Variants in LRRTM4 observed in about 807,000 individuals in gnomAD.
The protein encoded by LRRTM4 is leucine rich repeat transmembrane neuronal 4, also known as leucine-rich repeat transmembrane neuronal protein 4.
In LRRTM4, 25 loss-of-function variants were observed where a neutral mutation model predicts 47.6. That is an observed-to-expected ratio of 0.53 (90% CI 0.38 to 0.73). LRRTM4 has a LOEUF of 0.73. LRRTM4 is among the 30% of genes least tolerant of loss of function. The pLI is 0.00. For missense variants in LRRTM4, 638 were observed against 713.4 expected, an observed-to-expected ratio of 0.89 and a Z score of 1.20; for synonymous variants, 311 against 269.5, an observed-to-expected ratio of 1.15 and a Z score of -1.51.
At chr2:77,250,131 T>C (rs993351846) in intron 3 of LRRTM4, among the ~76,000 whole-genome samples, 6 of 151,980 alleles carry the variant, frequency 3.9e-5, no homozygotes, top group Non-Finnish European at 7.4e-5. Flanking sequence ...ATTATGGAGA[T>C]AGTGAAAAAA....
intron 3 of LRRTM4, among the ~76,000 whole-genome samples, chr2:77,081,137 T>C (rs1371617720): frequency 6.6e-6 from 1 of 152,112 alleles, no homozygotes; most frequent in African/African-American, 2.4e-5. Context: ...AATTTGCTTT[T>C]TGATCATGTA....
intron 3 of LRRTM4, among the ~76,000 whole-genome samples, chr2:77,148,686 T>C (rs953055729): frequency 6.6e-6 from 1 of 152,150 alleles, no homozygotes; most frequent in Non-Finnish European, 1.5e-5. Flanking sequence ...GCCCTTACAA[T>C]TGATTGTAGA....
At chr2:76,773,578 T>A (rs1256187688) in intron 3 of LRRTM4, among the ~76,000 whole-genome samples, 2 of 151,930 alleles carry the variant, frequency 1.3e-5, no homozygotes, top group Non-Finnish European at 2.9e-5. Context: ...AAAATGTTAA[T>A]TTTAGATAAA....
intron 3 of LRRTM4, among the ~76,000 whole-genome samples, chr2:76,884,385 C>T (rs1673012931): frequency 6.6e-6 from 1 of 152,122 alleles, no homozygotes; most frequent in South Asian, 2.1e-4. Context: ...TCTGTTTTCA[C>T]ACACAAAAAT....
chr2:76,857,166 C>A (rs1236463634), intron 3 of LRRTM4, among the ~76,000 whole-genome samples: 1 of 151,406 alleles, frequency 6.6e-6, no homozygotes, highest in Non-Finnish European at 1.5e-5. Flanking sequence ...TTGGCCAACT[C>A]AACATGAAGA....
intron 3 of LRRTM4, among the ~76,000 whole-genome samples, chr2:77,137,519 C>A (rs1671981685): frequency 6.6e-6 from 1 of 151,984 alleles, no homozygotes; most frequent in African/African-American, 2.4e-5. Flanking sequence ...ACTGCAAAAA[C>A]ATGCCAAATT....
chr2:77,145,724 A>G (rs980878434), intron 3 of LRRTM4, among the ~76,000 whole-genome samples: 1 of 151,978 alleles, frequency 6.6e-6, no homozygotes, highest in Non-Finnish European at 1.5e-5. Context: ...CAGTGAGCAG[A>G]GATCATGCCA....
intron 3 of LRRTM4, among the ~76,000 whole-genome samples, chr2:77,145,612 CAA>C (rs1181876984): frequency 7.2e-6 from 1 of 139,208 alleles, no homozygotes. Context: ...ACTAAAAATA[CAA>C]AAAAAAAAAA....
chr2:77,086,044 C>A (rs759165168), intron 3 of LRRTM4, among the ~76,000 whole-genome samples: 124 of 152,042 alleles, frequency 8.2e-4, no homozygotes, highest in Non-Finnish European at 2.2e-4. Context: ...TTAAAAATAT[C>A]CTATGAAAGA....
At chr2:77,437,714 T>C (rs1285181059) in intron 3 of LRRTM4, among the ~76,000 whole-genome samples, 1 of 152,144 alleles carries the variant, frequency 6.6e-6, no homozygotes, top group East Asian at 1.9e-4. Flanking sequence ...TTAATGACTA[T>C]CTAGTTTAGG....
At chr2:77,442,883 A>C (rs544322574) in intron 3 of LRRTM4, among the ~76,000 whole-genome samples, 42 of 152,220 alleles carry the variant, frequency 2.8e-4, no homozygotes, top group Non-Finnish European at 5.6e-4. Flanking sequence ...TCCAATGGAG[A>C]GGATATGGAA....
At chr2:77,388,911 C>T (rs1411432434) in intron 3 of LRRTM4, among the ~76,000 whole-genome samples, 3 of 151,788 alleles carry the variant, frequency 2.0e-5, no homozygotes, top group South Asian at 2.1e-4. Context: ...ATTCTGTAAA[C>T]AGTAATGTGT....
At chr2:77,267,493 C>A (rs1191088276) in intron 3 of LRRTM4, among the ~76,000 whole-genome samples, 1 of 152,146 alleles carries the variant, frequency 6.6e-6, no homozygotes, top group Non-Finnish European at 1.5e-5. Flanking sequence ...CCTGAAAGTT[C>A]TTTTTATAGC....
intron 3 of LRRTM4, among the ~76,000 whole-genome samples, chr2:77,156,296 AAAC>A (rs1388394421): frequency 6.7e-6 from 1 of 148,584 alleles, no homozygotes; most frequent in Non-Finnish European, 1.5e-5. Flanking sequence ...AATATATGTA[AAAC>A]AACAAACATA....
At chr2:77,112,096 G>C (rs1489603101) in intron 3 of LRRTM4, among the ~76,000 whole-genome samples, 1 of 152,160 alleles carries the variant, frequency 6.6e-6, no homozygotes, top group African/African-American at 2.4e-5. Flanking sequence ...ATGGATAATA[G>C]AGGAGGTGAA....
chr2:76,795,160 C>T (rs1342371395), intron 3 of LRRTM4, among the ~76,000 whole-genome samples: 1 of 151,764 alleles, frequency 6.6e-6, no homozygotes, highest in Non-Finnish European at 1.5e-5. Flanking sequence ...TATGAATAGG[C>T]AATGATCAGC....
chr2:77,270,645 C>T (rs1271438627), intron 3 of LRRTM4, among the ~76,000 whole-genome samples: 1 of 152,124 alleles, frequency 6.6e-6, no homozygotes, highest in Non-Finnish European at 1.5e-5. Context: ...CTATCCTCAC[C>T]CTCTCTTATG....
intron 3 of LRRTM4, among the ~76,000 whole-genome samples, chr2:77,393,616 C>G (rs1673588698): frequency 6.6e-6 from 1 of 151,942 alleles, no homozygotes. Context: ...TTTTAGCAGA[C>G]AAGTCACTGT....
chr2:77,035,160 C>A (rs1419854367), intron 3 of LRRTM4, among the ~76,000 whole-genome samples: 2 of 151,318 alleles, frequency 1.3e-5, no homozygotes, highest in Non-Finnish European at 2.9e-5. Context: ...TGTGCTGCAC[C>A]CATTAACTCG....
Sources: gnomAD v4.1 joint callset for allele counts (sites outside exome capture counted in the v4.1 genomes callset) on GRCh38, gnomAD v4.1.1 for gene constraint, MANE v1.5 for transcripts, NCBI Gene and HGNC (gene_info 2026-07-23, HGNC 2026-07-21) for gene names.